Variants in ADAM22 observed in about 807,000 individuals in gnomAD.
The protein encoded by ADAM22 is ADAM metallopeptidase domain 22, also known as disintegrin and metalloproteinase domain-containing protein 22.
In ADAM22, 65 loss-of-function variants were observed where a neutral mutation model predicts 144.6. The observed-to-expected ratio is 0.45, with a 90% CI of 0.37 to 0.55. ADAM22 has a LOEUF of 0.55. Among genes scored for constraint, ADAM22 ranks in the 20% least tolerant of loss-of-function variants. The pLI is 0.00. For missense variants in ADAM22, 974 were observed against 1,184.9 expected, an observed-to-expected ratio of 0.82 and a Z score of 2.61; for synonymous variants, 391 against 412.6, an observed-to-expected ratio of 0.95 and a Z score of 0.63.
intron 4 of ADAM22, among the ~76,000 whole-genome samples, chr7:88,084,082 ATCTGTG>A (rs1174229524): frequency 2.0e-5 from 3 of 152,082 alleles, no homozygotes; most frequent in African/African-American, 7.2e-5. Flanking sequence ...ATCTATTTCT[ATCTGTG>A]TCTGTCAGTG....
chr7:88,096,229 A>AC (rs1491064214), intron 4 of ADAM22, among the ~76,000 whole-genome samples: 1 of 120,400 alleles, frequency 8.3e-6, no homozygotes, highest in African/African-American at 2.7e-5. Flanking sequence ...GGCTGAAAAT[A>AC]CTTTTTTTTT....
chr7:88,145,857 G>T (rs73204116), intron 17 of ADAM22, among the ~76,000 whole-genome samples: 4,048 of 152,242 alleles, frequency 0.027, 80 homozygotes, highest in Non-Finnish European at 0.04. Flanking sequence ...TGTTACTAAT[G>T]TTTAAATGAT....
chr7:87,942,090 C>T (rs1842587364), intron 2 of ADAM22, among the ~76,000 whole-genome samples: 1 of 151,662 alleles, frequency 6.6e-6, no homozygotes. Context: ...ATGGATAAGC[C>T]CCAAAGGGAA....
chr7:88,115,393 C>G (rs1190713343), intron 6 of ADAM22, among the ~76,000 whole-genome samples: 4 of 152,134 alleles, frequency 2.6e-5, no homozygotes, highest in Admixed American at 2.6e-4. Context: ...GACTGGGTGG[C>G]TTAAACAACA....
intron 13 of ADAM22, among the ~76,000 whole-genome samples, chr7:88,135,521 T>C (rs1211144452): frequency 6.6e-6 from 1 of 152,092 alleles, no homozygotes; most frequent in African/African-American, 2.4e-5. Flanking sequence ...GTATTTCTGA[T>C]TCTGAAACCC....
intron 3 of ADAM22, among the ~76,000 whole-genome samples, chr7:88,065,441 AT>A (rs1442175009): frequency 9.9e-5 from 15 of 152,048 alleles, no homozygotes; most frequent in Non-Finnish European, 1.8e-4. Context: ...ATTTAATTTT[AT>A]TATTAGAAAT....
chr7:88,182,179 G>A, intron 29 of ADAM22, 155 bp downstream of exon 29: 1 of 637,678 alleles, frequency 1.6e-6, no homozygotes, highest in South Asian at 2.1e-5. Flanking sequence ...ATTAACCATG[G>A]CTTTTCTCTC....
At chr7:88,083,627 G>GTGTGTA (rs1563180809) in intron 4 of ADAM22, among the ~76,000 whole-genome samples, 1 of 148,984 alleles carries the variant, frequency 6.7e-6, no homozygotes, top group African/African-American at 2.5e-5. Context: ...GTGTGTGTGT[G>GTGTGTA]TGTGTGTATG....
At chr7:87,947,014 G>T (rs577272006) in intron 2 of ADAM22, among the ~76,000 whole-genome samples, 1 of 152,222 alleles carries the variant, frequency 6.6e-6, no homozygotes, top group Non-Finnish European at 1.5e-5. Context: ...GATACTCATG[G>T]ACATCAAAAT....
intron 3 of ADAM22, among the ~76,000 whole-genome samples, chr7:88,008,795 T>G (rs908714335): frequency 1.3e-5 from 2 of 151,924 alleles, no homozygotes; most frequent in African/African-American, 4.8e-5. Flanking sequence ...TACCTAATGC[T>G]AAATGACGAG....
intron 3 of ADAM22, among the ~76,000 whole-genome samples, chr7:88,037,093 G>C (rs1274998913): frequency 6.6e-6 from 1 of 152,026 alleles, no homozygotes; most frequent in Admixed American, 6.5e-5. Context: ...TTTCAGTCTT[G>C]AACTCTATAA....
chr7:88,134,441 G>C (rs751428334), intron 13 of ADAM22, 22 bp downstream of exon 13: 1 of 1,534,596 alleles, frequency 6.5e-7, no homozygotes, highest in South Asian at 1.2e-5. Context: ...TACATGTGTG[G>C]TTAGTTGTAT....
intron 22 of ADAM22, among the ~76,000 whole-genome samples, chr7:88,158,247 A>C (rs1840547511): frequency 6.6e-6 from 1 of 152,184 alleles, no homozygotes; most frequent in African/African-American, 2.4e-5. Context: ...ACCCAGCTTC[A>C]TCAAGCAAGT....
At chr7:88,048,916 T>G (rs1805427599) in intron 3 of ADAM22, among the ~76,000 whole-genome samples, 1 of 152,224 alleles carries the variant, frequency 6.6e-6, no homozygotes, top group African/African-American at 2.4e-5. Context: ...TATTTAGATT[T>G]TTATCTAAAA....
chr7:87,964,780 T>G, intron 2 of ADAM22: 1 of 317,942 alleles, frequency 3.1e-6, no homozygotes, highest in Non-Finnish European at 6.1e-6. Flanking sequence ...TTCCTGGAAC[T>G]CAAGGGCAAG....
At chr7:88,110,266 C>T (rs1407611866) in intron 5 of ADAM22, among the ~76,000 whole-genome samples, 1 of 152,164 alleles carries the variant, frequency 6.6e-6, no homozygotes, top group African/African-American at 2.4e-5. Context: ...ACAAGCACAT[C>T]TGTCACCTAG....
At chr7:87,980,566 T>C (rs1010680786) in intron 3 of ADAM22, among the ~76,000 whole-genome samples, 10 of 152,068 alleles carry the variant, frequency 6.6e-5, no homozygotes, top group Admixed American at 2.0e-4. Context: ...AATAAGTCCA[T>C]GTAGCTAGCT....
At chr7:88,067,851 A>G (rs182660293) in intron 3 of ADAM22, among the ~76,000 whole-genome samples, 1 of 152,314 alleles carries the variant, frequency 6.6e-6, no homozygotes, top group Admixed American at 6.5e-5. Flanking sequence ...CTTTAGACAC[A>G]GGGGTACACA....
chr7:87,963,070 A>G (rs928454552), intron 2 of ADAM22, among the ~76,000 whole-genome samples: 1 of 152,192 alleles, frequency 6.6e-6, no homozygotes, highest in Non-Finnish European at 1.5e-5. Context: ...CCAGATAATA[A>G]AAATCTGTTG....
Sources: gnomAD v4.1 joint callset for allele counts (sites outside exome capture counted in the v4.1 genomes callset) on GRCh38, gnomAD v4.1.1 for gene constraint, MANE v1.5 for transcripts, NCBI Gene and HGNC (gene_info 2026-07-23, HGNC 2026-07-21) for gene names.